Variants in LARGE1 observed in about 807,000 individuals in gnomAD.
LARGE1 encodes LARGE xylosyl- and glucuronyltransferase 1.
LARGE1 carries 43 observed loss-of-function variants against 87.6 expected under a neutral mutation model. The observed-to-expected ratio is 0.49, with a 90% CI of 0.38 to 0.63. The LOEUF (loss-of-function observed/expected upper bound fraction) is 0.63. Among genes scored for constraint, LARGE1 ranks in the 30% least tolerant of loss-of-function variants. LARGE1 has a pLI of 0.00. For synonymous variants in LARGE1, 434 were observed against 394.6 expected (o/e 1.10, Z -1.18); for missense variants, 802 against 1,000.2 (o/e 0.80, Z 2.67).
chr22:33,524,828 CT>C (rs2071803365), intron 6 of LARGE1, among the ~76,000 whole-genome samples: 1 of 151,714 alleles, frequency 6.6e-6, no homozygotes, highest in African/African-American at 2.4e-5. Context: ...GTACAGCCCA[CT>C]GGGAAAAAGT....
chr22:33,337,633 G>A lies in LARGE1; in HGVS notation c.1287+13C>T, dbSNP rs759768595. ...AGCCGCCCCTTCCCTGCCCAGCCTT[G>A]CGAGCCACTTACGTTTTCACTGTTG... On this transcript the variant is annotated intron_variant, in intron 10 of 14. Transcript: ENST00000397394. 4.6e-5 allele frequency: 74 copies of A among 1,613,882 alleles called. No individual in the cohort carries two copies. The highest frequency in any genetic ancestry group is 1.3e-4 in the Admixed American group (8 of 59,974).
intron 4 of LARGE1, among the ~76,000 whole-genome samples, chr22:33,607,621 A>T (rs574823532): frequency 6.0e-4 from 91 of 152,240 alleles, no homozygotes; most frequent in Admixed American, 4.1e-3. Context: ...TGGCTCCAGG[A>T]CAGGGAATAC....
chr22:33,178,136 A>T lies in LARGE1; in HGVS notation c.1731-11304T>A, dbSNP rs1281621174. On this transcript the variant is annotated intron_variant, in intron 11 of 11. Coordinates refer to the LARGE1 transcript ENST00000608642. ...TAGCAATGTAAAAACAGACTAATAC[A>T]TCACTTTTATTTATTTTATGATTTA... Among the ~76,000 whole-genome samples, 5 of 152,172 alleles carry T rather than the reference A, an allele frequency of 3.3e-5. No individual in the cohort carries two copies. The East Asian group carries it at 9.6e-4, about 29-fold the overall frequency.
intron 2 of LARGE1, among the ~76,000 whole-genome samples, chr22:33,754,315 T>C (rs912547424): frequency 2.6e-5 from 4 of 151,760 alleles, no homozygotes; most frequent in Non-Finnish European, 5.9e-5. Flanking sequence ...GCACTAACAC[T>C]TATTAAACAT....
At chr22:33,675,569 TGAAAC>T (rs1345733861) in intron 2 of LARGE1, among the ~76,000 whole-genome samples, 1 of 151,984 alleles carries the variant, frequency 6.6e-6, no homozygotes, top group East Asian at 1.9e-4. Context: ...CCAGTGTGGG[TGAAAC>T]AGGGTGAACA....
At chr22:33,668,560 GA>G (rs2081326589) in intron 2 of LARGE1, among the ~76,000 whole-genome samples, 1 of 152,202 alleles carries the variant, frequency 6.6e-6, no homozygotes, top group South Asian at 2.1e-4. Context: ...ATGCTTCTGA[GA>G]AAAATAATAC....
chr22:33,115,453 G>GA, the LARGE1 span, among the ~76,000 whole-genome samples: 4,026 of 111,966 alleles, frequency 0.036, 189 homozygotes, highest in African/African-American at 0.11. Context: ...ACCTCTCAAA[G>GA]AAAAAAAAAA....
intron 6 of LARGE1, among the ~76,000 whole-genome samples, chr22:33,457,648 C>T (rs1165569708): frequency 6.6e-6 from 1 of 151,564 alleles, no homozygotes; most frequent in Non-Finnish European, 1.5e-5. Context: ...AAAAAGTGTA[C>T]AAAAAAGGAA....
chr22:33,074,463 T>C, the LARGE1 span, among the ~76,000 whole-genome samples: 1 of 151,984 alleles, frequency 6.6e-6, no homozygotes, highest in Admixed American at 6.6e-5. Context: ...CCACTTGAGG[T>C]CAGGAGTTCC....
intron 2 of LARGE1, among the ~76,000 whole-genome samples, chr22:33,716,492 T>A (rs2082911002): frequency 6.6e-6 from 1 of 152,140 alleles, no homozygotes. Flanking sequence ...AGCCTTGACC[T>A]CCCAGGCTCA....
intron 11 of LARGE1, among the ~76,000 whole-genome samples, chr22:33,241,323 C>T (rs992898259): frequency 2.6e-5 from 4 of 152,078 alleles, no homozygotes; most frequent in African/African-American, 9.7e-5. Context: ...CCTGATTCTT[C>T]AAGGCTGGTT....
intron 1 of LARGE1, among the ~76,000 whole-genome samples, chr22:33,842,948 CAAAACAAAAA>C (rs762823305): frequency 0.021 from 2,064 of 97,378 alleles, 42 homozygotes; most frequent in African/African-American, 0.061. Flanking sequence ...CAAAACAAAA[CAAAACAAAAA>C]AACCACAACA....
chr22:33,411,321 G>A lies in LARGE1; in HGVS notation c.892+20840C>T, dbSNP rs532964752. ...CTGTTTCACTTGGCCACTGGTCAAC[G>A]ATCCATGGCTTCAAACACCTGGACC... On this transcript the variant is annotated intron_variant, in intron 7 of 14. Transcript: ENST00000397394. 2.8e-3 allele frequency among the ~76,000 whole-genome samples: 427 copies of A among 152,324 alleles called. 1 individual carries two copies. The highest frequency in any genetic ancestry group is 9.2e-3 in the African/African-American group (381 of 41,580).
the LARGE1 span, among the ~76,000 whole-genome samples, chr22:33,083,458 A>G: frequency 6.6e-5 from 10 of 152,342 alleles, no homozygotes; most frequent in African/African-American, 2.4e-4. Context: ...AGGTGTCACT[A>G]TCTTATCTAA....
intron 3 of LARGE1, among the ~76,000 whole-genome samples, chr22:33,633,294 G>A (rs1052625458): frequency 6.6e-6 from 1 of 152,182 alleles, no homozygotes; most frequent in African/African-American, 2.4e-5. Context: ...ACCCAGATAA[G>A]AGACGATGCA....
chr22:33,454,069 C>T (rs932635090), intron 6 of LARGE1, among the ~76,000 whole-genome samples: 11 of 152,080 alleles, frequency 7.2e-5, no homozygotes, highest in African/African-American at 2.7e-4. Flanking sequence ...GTGTTCTGGC[C>T]CTGATTTAAC....
chr22:33,268,843 A>G (rs1928097313), downstream of LARGE1, among the ~76,000 whole-genome samples: 1 of 152,232 alleles, frequency 6.6e-6, no homozygotes, highest in African/African-American at 2.4e-5. Context: ...CACATATTGA[A>G]TCATCTCAGA....
downstream of LARGE1, among the ~76,000 whole-genome samples, chr22:33,161,451 C>G (rs530913721): frequency 3.0e-4 from 45 of 152,306 alleles, no homozygotes; most frequent in African/African-American, 1.1e-3. Flanking sequence ...AAAGTCTCAT[C>G]TGAGACAAGG....
intron 6 of LARGE1, among the ~76,000 whole-genome samples, chr22:33,535,175 A>G (rs1462519689): frequency 6.6e-6 from 1 of 152,156 alleles, no homozygotes; most frequent in African/African-American, 2.4e-5. Context: ...TCACTCCAGC[A>G]CCCTGCTGCA....
Sources: gnomAD v4.1 joint callset for allele counts (sites outside exome capture counted in the v4.1 genomes callset) on GRCh38, gnomAD v4.1.1 for gene constraint, MANE v1.5 for transcripts, NCBI Gene and HGNC (gene_info 2026-07-23, HGNC 2026-07-21) for gene names.